NYAP2: variants seen among roughly 807,000 people sequenced by gnomAD.
NYAP2 encodes neuronal tyrosine-phosphorylated phosphoinositide-3-kinase adapter 2.
NYAP2 carries 23 observed loss-of-function variants against 50.4 expected under a neutral mutation model. The ratio of observed to expected loss-of-function variants is 0.46; its 90% CI spans 0.33 to 0.65. NYAP2 has a LOEUF of 0.65. Ranked by LOEUF, NYAP2 falls within the 30% of genes least tolerant of loss-of-function variation. NYAP2 has a pLI of 0.02. For synonymous variants in NYAP2, 394 were observed against 365.2 expected, an observed-to-expected ratio of 1.08 and a Z score of -0.90; for missense variants, 885 against 861.0, an observed-to-expected ratio of 1.03 and a Z score of -0.35.
chr2:225,627,084 T>G, exon 6 of NYAP2: 1 of 1,596,110 alleles, frequency 6.3e-7, no homozygotes, highest in Non-Finnish European at 8.5e-7. Context: ...ACTAGGAAGA[T>G]GCTCTGTGAG....
intron 3 of NYAP2, among the ~76,000 whole-genome samples, chr2:225,497,913 C>A (rs1051428031): frequency 6.6e-6 from 1 of 152,048 alleles, no homozygotes; most frequent in African/African-American, 2.4e-5. Context: ...TTGGAAATTT[C>A]TGGATGACAT....
chr2:225,427,025 T>C (rs1309820539), intron 3 of NYAP2, among the ~76,000 whole-genome samples: 2 of 152,202 alleles, frequency 1.3e-5, no homozygotes, highest in Admixed American at 6.5e-5. Flanking sequence ...TTATTCTGTT[T>C]AGTTTAGATT....
intron 2 of NYAP2, 70 bp from the exon 3 acceptor site, chr2:225,408,794 A>G (rs1044683169): frequency 6.5e-6 from 5 of 765,206 alleles, no homozygotes; most frequent in Non-Finnish European, 1.1e-5. Context: ...TTGAGTTGTT[A>G]GGGATAATAA....
chr2:225,409,882 T>C (rs562309139), intron 3 of NYAP2, among the ~76,000 whole-genome samples: 2 of 152,108 alleles, frequency 1.3e-5, no homozygotes, highest in Non-Finnish European at 2.9e-5. Context: ...CAAATAAAGT[T>C]CACTTACTAA....
At chr2:225,528,409 C>T (rs73084713) in intron 4 of NYAP2, among the ~76,000 whole-genome samples, 2,518 of 152,200 alleles carry the variant, frequency 0.017, 57 homozygotes, top group African/African-American at 0.056. Context: ...ATCATCCCGC[C>T]GCAAAGTGCT....
chr2:225,435,759 C>A (rs1689365644), intron 3 of NYAP2, among the ~76,000 whole-genome samples: 1 of 152,174 alleles, frequency 6.6e-6, no homozygotes, highest in Non-Finnish European at 1.5e-5. Flanking sequence ...CACATGAATG[C>A]AAACACAAGC....
intron 4 of NYAP2, among the ~76,000 whole-genome samples, chr2:225,543,802 C>T (rs889332605): frequency 5.3e-5 from 8 of 151,836 alleles, no homozygotes; most frequent in Non-Finnish European, 1.0e-4. Flanking sequence ...AGATTAAGTC[C>T]GATGTTTGTT....
chr2:225,463,899 T>TCCAGGAGATC (rs148946225), intron 3 of NYAP2, among the ~76,000 whole-genome samples: 1 of 152,128 alleles, frequency 6.6e-6, no homozygotes, highest in Non-Finnish European at 1.5e-5. Context: ...TCATCCTGGT[T>TCCAGGAGATC]ACCCTCTGGA....
intron 5 of NYAP2, among the ~76,000 whole-genome samples, chr2:225,612,855 C>CACACCCAAGGTGTG (rs1277985514): frequency 6.7e-6 from 1 of 149,956 alleles, no homozygotes; most frequent in Non-Finnish European, 1.5e-5. Flanking sequence ...GACATCACAT[C>CACACCCAAGGTGTG]TGGGTCTAGA....
chr2:225,594,976 T>C (rs551064187), intron 5 of NYAP2, among the ~76,000 whole-genome samples: 3 of 152,336 alleles, frequency 2.0e-5, no homozygotes, highest in Non-Finnish European at 4.4e-5. Context: ...AAGCAGCGTG[T>C]AAAGCTGTAG....
intron 5 of NYAP2, among the ~76,000 whole-genome samples, chr2:225,613,082 A>C (rs1692927986): frequency 6.6e-6 from 1 of 152,176 alleles, no homozygotes; most frequent in Non-Finnish European, 1.5e-5. Flanking sequence ...CACAATTACG[A>C]GGCGAAGTCT....
rs187771074 is a variant in NYAP2 at position 225,608,142 on chromosome 2, C to A, written c.1619-18775C>A. Among the ~76,000 whole-genome samples the A allele has an allele frequency of 9.2e-5, 14 of 152,150 alleles. No individual in the cohort carries two copies. In the East Asian group the frequency reaches 2.5e-3, roughly 27 times the overall value. ...AAATGATCTTCATCTGGTAGATAGC[C>A]ACAAATTCTGTGGCATTGGATGCAA... On this transcript the variant is annotated intron_variant, in intron 5 of 6. Transcript: ENST00000636099.
intron 3 of NYAP2, among the ~76,000 whole-genome samples, chr2:225,463,648 A>G (rs1185731858): frequency 6.6e-6 from 1 of 152,264 alleles, no homozygotes; most frequent in Non-Finnish European, 1.5e-5. Context: ...TGCTGTGTGG[A>G]CAAAATGACT....
At chr2:225,561,672 A>T (rs1691876619) in intron 4 of NYAP2, among the ~76,000 whole-genome samples, 1 of 152,114 alleles carries the variant, frequency 6.6e-6, no homozygotes, top group Non-Finnish European at 1.5e-5. Flanking sequence ...TCATGCTATT[A>T]TAGGTGAAAT....
chr2:225,609,993 G>A lies in NYAP2; in HGVS notation c.1619-16924G>A, dbSNP rs553625417. On this transcript the variant is annotated intron_variant, in intron 5 of 6. Transcript: ENST00000636099. Reference sequence around the variant, plus strand: ...ACTGGGTAAGTCATATAACCTCATTGTGCGTTGGTTTCTTCATCAGTAAAA... The same window carrying A: ...ACTGGGTAAGTCATATAACCTCATTATGCGTTGGTTTCTTCATCAGTAAAA... 1.6e-4 allele frequency among the ~76,000 whole-genome samples: 24 copies of A among 152,232 alleles called. 1 individual carries two copies. In the South Asian group the frequency reaches 5.0e-3, roughly 32 times the overall value.
Position 225,606,710 on chromosome 2 carries a change from T to C in NYAP2, c.1619-20207T>C, listed in dbSNP as rs115191763. ...GTTAATTTGAATTCCTTGCATCCAATAGATAATTGGTCTACTTTCTTGCCA... is the reference window on the plus strand; with the variant it reads ...GTTAATTTGAATTCCTTGCATCCAACAGATAATTGGTCTACTTTCTTGCCA... On this transcript the variant is annotated intron_variant, in intron 5 of 6. Coordinates refer to ENST00000636099, the Ensembl canonical transcript of NYAP2. Among the ~76,000 whole-genome samples the C allele has an allele frequency of 6.3e-3, 960 of 152,286 alleles. 2 individuals are homozygous for C. The highest frequency in any genetic ancestry group is 0.013 in the Admixed American group (204 of 15,286).
At chr2:225,455,391 C>A (rs548535263) in intron 3 of NYAP2, among the ~76,000 whole-genome samples, 16 of 152,306 alleles carry the variant, frequency 1.1e-4, no homozygotes, top group Admixed American at 7.8e-4. Context: ...CTATTCTCAG[C>A]TATACATTAT....
chr2:225,414,833 C>T (rs1158253882), intron 3 of NYAP2, among the ~76,000 whole-genome samples: 3 of 152,102 alleles, frequency 2.0e-5, no homozygotes, highest in Non-Finnish European at 4.4e-5. Flanking sequence ...TGAAACTGGT[C>T]CCTGCACTGT....
At chr2:225,398,496 C>A (rs1694806265), upstream of NYAP2, among the ~76,000 whole-genome samples, 3 of 151,826 alleles carry the variant, frequency 2.0e-5, no homozygotes, top group South Asian at 6.2e-4. Context: ...TCTATGAGAA[C>A]ACTTCACTAC....
Sources: allele counts gnomAD v4.1 joint callset (sites outside exome capture counted in the v4.1 genomes callset), GRCh38; gene constraint gnomAD v4.1.1; transcripts MANE v1.5; gene names NCBI Gene and HGNC (gene_info 2026-07-23, HGNC 2026-07-21).